Variants in HNRNPUL1 observed in about 807,000 individuals in gnomAD.
HNRNPUL1 encodes heterogeneous nuclear ribonucleoprotein U-like protein 1.
HNRNPUL1 carries 14 observed loss-of-function variants against 108.5 expected under a neutral mutation model. The observed-to-expected ratio is 0.13, with a 90% CI of 0.09 to 0.20. The LOEUF (loss-of-function observed/expected upper bound fraction) is 0.20. HNRNPUL1 is among the 10% of genes least tolerant of loss of function. The pLI is 1.00. For missense variants in HNRNPUL1, 804 were observed against 1,168.3 expected (o/e 0.69, Z 4.55); for synonymous variants, 422 against 445.2 (o/e 0.95, Z 0.66).
At chr19:41,265,086 G>A in intron 1 of HNRNPUL1, 1 of 1,414,184 alleles carries the variant, frequency 7.1e-7, no homozygotes, top group Non-Finnish European at 9.2e-7. Context: ...ACCGGAAACT[G>A]CTTTCTGGAG....
At chr19:41,303,625 A>G (rs1255154930) in intron 12 of HNRNPUL1, among the ~76,000 whole-genome samples, 1 of 152,086 alleles carries the variant, frequency 6.6e-6, no homozygotes, top group African/African-American at 2.4e-5. Flanking sequence ...GAGTGCTAGG[A>G]TTACAGATGT....
intron 4 of HNRNPUL1, among the ~76,000 whole-genome samples, chr19:41,275,716 C>T (rs1262840408): frequency 6.6e-6 from 1 of 152,158 alleles, no homozygotes; most frequent in Non-Finnish European, 1.5e-5. Flanking sequence ...TGTGCTGGTT[C>T]CTTTTGAAAC....
At position 41,307,689 on chromosome 19, in the gene HNRNPUL1, T is replaced by C. The variant is rs1266015454; in HGVS notation, c.*1124T>C. The stretch of plus-strand genomic sequence containing the variant: ...CCTCCTAGCAGGAAGGAAGCAGGGT[T>C]GAAACCCTGAAGTGTTACTGCAGTT... On this transcript the variant is annotated 3_prime_UTR_variant, in exon 15 of 15. Transcript: ENST00000392006. 6.6e-6 allele frequency: 1 copy of C among 152,642 alleles called. No homozygotes were observed. The highest frequency in any genetic ancestry group is 1.5e-5 in the Non-Finnish European group (1 of 68,040). The allele number at this position is 152,642 out of a possible 1,614,324, so 9.5% of individuals were successfully genotyped here.
rs2036612040 is a variant in HNRNPUL1 at position 41,292,012 on chromosome 19, G to A, written c.1000-233G>A. Reference sequence around the variant, plus strand: ...AAAAAAACAAAAAAAAAAAACTCTTGCTTACTTGCTTCATATCCACCAACT... The same window carrying A: ...AAAAAAACAAAAAAAAAAAACTCTTACTTACTTGCTTCATATCCACCAACT... On this transcript the variant is annotated intron_variant, in intron 7 of 14. Coordinates refer to ENST00000392006, the MANE Select transcript of HNRNPUL1 (RefSeq NM_007040.6). The surrounding 1 kb of genome is among the most constrained non-coding windows in gnomAD (Gnocchi z 4.1). The A allele has an allele frequency of 8.7e-6, 4 of 461,276 alleles. No individual in the cohort carries two copies. The East Asian group carries it at 1.2e-4, about 14-fold the overall frequency. The allele number at this position is 461,276 out of a possible 1,614,324, so 28.6% of individuals were successfully genotyped here.
At chr19:41,284,012 C>T (rs995528127) in intron 7 of HNRNPUL1, among the ~76,000 whole-genome samples, 3 of 152,252 alleles carry the variant, frequency 2.0e-5, no homozygotes, top group African/African-American at 4.8e-5. Context: ...TACATCTTCA[C>T]GTGAGCAGTT....
At chr19:41,282,457 C>T (rs2035954361) in intron 7 of HNRNPUL1, among the ~76,000 whole-genome samples, 1 of 152,176 alleles carries the variant, frequency 6.6e-6, no homozygotes, top group Non-Finnish European at 1.5e-5. Context: ...ACTGGGATTA[C>T]AGGTGTGAAC....
intron 2 of HNRNPUL1, among the ~76,000 whole-genome samples, chr19:41,271,646 C>T (rs1387520797): frequency 6.6e-6 from 1 of 152,180 alleles, no homozygotes; most frequent in African/African-American, 2.4e-5. Flanking sequence ...CCCATCCTGA[C>T]TTTCTGTTAA....
intron 1 of HNRNPUL1, chr19:41,265,062 C>G (rs2034733165): frequency 2.1e-6 from 3 of 1,410,076 alleles, no homozygotes; most frequent in Admixed American, 6.2e-5. Context: ...GATTCCGTAC[C>G]GTAGGGATCG....
chr19:41,272,458 A>G (rs1010904722), intron 3 of HNRNPUL1: 4 of 479,338 alleles, frequency 8.3e-6, no homozygotes, highest in African/African-American at 5.9e-5. Context: ...TAACTTCTAA[A>G]TATCTTAGAC....
chr19:41,290,000 C>T (rs1395285056), intron 7 of HNRNPUL1, among the ~76,000 whole-genome samples: 3 of 152,034 alleles, frequency 2.0e-5, no homozygotes, highest in Non-Finnish European at 4.4e-5. Context: ...CGTGAACCAC[C>T]ACATCCAGCC....
chr19:41,305,932 T>A, intron 14 of HNRNPUL1, 65 bp downstream of exon 14: 1 of 1,138,850 alleles, frequency 8.8e-7, no homozygotes, highest in Non-Finnish European at 1.3e-6. Flanking sequence ...GGGTGTGTAT[T>A]CCCAGACTTA....
chr19:41,281,374 C>A, intron 7 of HNRNPUL1, 99 bp downstream of exon 7: 1 of 724,178 alleles, frequency 1.4e-6, no homozygotes, highest in Non-Finnish European at 2.4e-6. Context: ...CATATCCAGC[C>A]ACTCTCGCCA....
chr19:41,289,493 G>C (rs948471633), intron 7 of HNRNPUL1, among the ~76,000 whole-genome samples: 2 of 152,172 alleles, frequency 1.3e-5, no homozygotes, highest in East Asian at 3.9e-4. Context: ...ATTATGCCAG[G>C]CTTCAGGAGT....
chr19:41,304,397 C>T (rs987094875), intron 13 of HNRNPUL1, 136 bp downstream of exon 13: 9 of 1,431,600 alleles, frequency 6.3e-6, no homozygotes, highest in Non-Finnish European at 8.3e-6. Context: ...CTAGCCTGCC[C>T]TTCTTTCTCC....
Position 41,305,822 on chromosome 19 carries a change from C to T in HNRNPUL1, c.2409C>T (p.Pro803=), listed in dbSNP as rs1246696268. ...NPAPYTPPPP[P]TAQTYPQPSY... ...CCCCCTATACCCCACCGCCACCCCCCACTGCACAGACCTACCCTCAGCCCA... is the reference window on the plus strand; with the variant it reads ...CCCCCTATACCCCACCGCCACCCCCTACTGCACAGACCTACCCTCAGCCCA... The change falls in exon 14 of 15, where the codon CCC becomes CCT. Residue 803 remains proline, a synonymous_variant. Transcript: ENST00000392006. 1.2e-6 allele frequency: 2 copies of T among 1,610,444 alleles called. No homozygotes were observed. The highest frequency in any genetic ancestry group is 3.3e-5 in the Admixed American group (2 of 59,936).
At chr19:41,303,837 A>T in intron 12 of HNRNPUL1, 135 bp from the exon 13 acceptor site, 1 of 1,070,010 alleles carries the variant, frequency 9.3e-7, no homozygotes, top group Non-Finnish European at 1.4e-6. Flanking sequence ...CCCAGAGGAC[A>T]TGCTTTGTTG....
At chr19:41,281,807 C>T (rs2035914043) in intron 7 of HNRNPUL1, among the ~76,000 whole-genome samples, 1 of 152,208 alleles carries the variant, frequency 6.6e-6, no homozygotes, top group Non-Finnish European at 1.5e-5. Flanking sequence ...CCAGCAGTCA[C>T]CTTGCTGTGC....
intron 4 of HNRNPUL1, 131 bp from the exon 5 acceptor site, chr19:41,276,028 G>A (rs1193630925): frequency 2.7e-6 from 3 of 1,092,476 alleles, no homozygotes; most frequent in East Asian, 2.5e-5. Flanking sequence ...ACTTGAACCC[G>A]GGAGGCGGAG....
chr19:41,276,593 A>G (rs1431111191), intron 5 of HNRNPUL1: 2 of 250,136 alleles, frequency 8.0e-6, no homozygotes, highest in Non-Finnish European at 1.5e-5. Flanking sequence ...AACTGAGAAA[A>G]GAAGTTGTTT....
Sources: gnomAD v4.1 joint callset for allele counts (sites outside exome capture counted in the v4.1 genomes callset) on GRCh38, gnomAD v4.1.1 for gene constraint, Gnocchi (gnomAD v3.1) non-coding constraint, MANE v1.5 for transcripts, NCBI Gene and HGNC (gene_info 2026-07-23, HGNC 2026-07-21) for gene names.